Variants in LGR6 observed in about 807,000 individuals in gnomAD.
The protein encoded by LGR6 is leucine-rich repeat-containing G protein-coupled receptor 6.
Under a neutral mutation model 69.4 loss-of-function variants are expected in LGR6, and 45 were observed. The ratio of observed to expected loss-of-function variants is 0.65; its 90% CI spans 0.51 to 0.83. The LOEUF is 0.83. Among genes scored for constraint, LGR6 ranks in the 40% least tolerant of loss-of-function variants. The pLI, the probability that LGR6 is intolerant of heterozygous loss-of-function variation, is 0.00. For synonymous variants in LGR6, 538 were observed against 555.0 expected, an observed-to-expected ratio of 0.97 and a Z score of 0.43; for missense variants, 1,108 against 1,246.7, an observed-to-expected ratio of 0.89 and a Z score of 1.68.
chr1:202,245,535 C>A (rs1314970217), intron 4 of LGR6, among the ~76,000 whole-genome samples: 1 of 152,156 alleles, frequency 6.6e-6, no homozygotes, highest in Non-Finnish European at 1.5e-5. Context: ...TTCCTGCTAG[C>A]CCTCTCTGGC....
intron 4 of LGR6, among the ~76,000 whole-genome samples, chr1:202,249,510 A>G (rs1412073895): frequency 6.6e-6 from 1 of 152,170 alleles, no homozygotes; most frequent in African/African-American, 2.4e-5. Context: ...GCTTTAGCTT[A>G]GATTGGTACA....
In LGR6 at chr1:202,235,979, G is replaced by C. The variant is rs563539874; in HGVS notation, c.414G>C (p.Pro138=). 3 of 1,613,856 alleles carry C rather than the reference G, an allele frequency of 1.9e-6. No individual in the cohort carries two copies. Among genetic ancestry groups the C allele is most frequent in the Non-Finnish European group, 1.7e-6 (2 of 1,179,950 alleles). The stretch of plus-strand genomic sequence containing the variant: ...CCGCAGAGGCGCTGTGGGAGCTGCC[G>C]AGCCTGCAGTCGCTGTGAGTCATTA... ...GIPAEALWEL[P]SLQSLRLDAN... Residue 138 remains proline, a synonymous_variant, in exon 4 of 18, where the codon CCG becomes CCC. Coordinates refer to ENST00000367278, the MANE Select transcript of LGR6 (RefSeq NM_001017403.2).
chr1:202,221,708 A>C (rs1660166080), intron 1 of LGR6, among the ~76,000 whole-genome samples: 1 of 152,152 alleles, frequency 6.6e-6, no homozygotes, highest in African/African-American at 2.4e-5. Context: ...CCTCAAAACA[A>C]GTACATCCAA....
In LGR6 at chr1:202,194,189, T is replaced by C; in HGVS notation, c.200T>C (p.Leu67Pro). The C allele has an allele frequency of 6.4e-7, 1 of 1,559,888 alleles. No individual in the cohort carries two copies. The highest frequency in any genetic ancestry group is 8.6e-7 in the Non-Finnish European group (1 of 1,161,480). ...LSAVPGDLDP[L>P]TAYLDLSMNN... ...GCCGTTCCGGGGGACCTGGACCCCCTGACGGCTTACCTGTGAGTACTGCCC... is the reference window on the plus strand; with the variant it reads ...GCCGTTCCGGGGGACCTGGACCCCCCGACGGCTTACCTGTGAGTACTGCCC... Residue 67 changes from leucine to proline, a missense_variant, in exon 1 of 18, where the codon CTG becomes CCG. Leu to Pro is a moderately conservative substitution (Grantham distance 98, BLOSUM62 -3). Coordinates refer to ENST00000367278, the MANE Select transcript of LGR6 (RefSeq NM_001017403.2).
intron 1 of LGR6, among the ~76,000 whole-genome samples, chr1:202,203,503 G>C (rs1019256067): frequency 4.6e-5 from 7 of 152,190 alleles, no homozygotes; most frequent in Non-Finnish European, 8.8e-5. Flanking sequence ...ACCAATGATA[G>C]TGCCACTTGA....
intron 4 of LGR6, among the ~76,000 whole-genome samples, chr1:202,265,502 G>A (rs555871748): frequency 1.1e-3 from 173 of 152,334 alleles, no homozygotes; most frequent in African/African-American, 4.1e-3. Flanking sequence ...GTCTCTGGGG[G>A]CCCCCCATTG....
At chr1:202,263,818 G>A (rs1039651758) in intron 4 of LGR6, among the ~76,000 whole-genome samples, 5 of 152,192 alleles carry the variant, frequency 3.3e-5, no homozygotes, top group African/African-American at 1.2e-4. Context: ...AAAGAGGTAA[G>A]GCAAGAGGCA....
intron 4 of LGR6, among the ~76,000 whole-genome samples, chr1:202,249,107 G>A (rs774539589): frequency 1.3e-5 from 2 of 152,120 alleles, no homozygotes; most frequent in Non-Finnish European, 2.9e-5. Flanking sequence ...CACTGCAGCC[G>A]ACTCCTGACT....
chr1:202,200,993 C>G (rs1296690986), intron 1 of LGR6, among the ~76,000 whole-genome samples: 1 of 152,196 alleles, frequency 6.6e-6, no homozygotes, highest in East Asian at 1.9e-4. Flanking sequence ...CCATCCCCAG[C>G]CCCCGCTTCT....
intron 17 of LGR6, among the ~76,000 whole-genome samples, chr1:202,317,567 A>T (rs1027534006): frequency 6.6e-6 from 1 of 152,060 alleles, no homozygotes; most frequent in Non-Finnish European, 1.5e-5. Context: ...GCTGGTCTCA[A>T]ACTCCTGACC....
intron 16 of LGR6, among the ~76,000 whole-genome samples, chr1:202,313,318 T>TTCTC (rs1336629908): frequency 6.6e-6 from 1 of 152,166 alleles, no homozygotes; most frequent in Non-Finnish European, 1.5e-5. Context: ...TAGAAGTGCT[T>TTCTC]TCTCTCCCAT....
At chr1:202,265,837 G>A (rs1002986062) in intron 4 of LGR6, among the ~76,000 whole-genome samples, 1 of 152,244 alleles carries the variant, frequency 6.6e-6, no homozygotes, top group African/African-American at 2.4e-5. Context: ...TGGTGGGCAA[G>A]TTTCAGGGAA....
chr1:202,232,799 C>A (rs11799896), intron 3 of LGR6, among the ~76,000 whole-genome samples: 1,815 of 152,284 alleles, frequency 0.012, 42 homozygotes, highest in African/African-American at 0.042. Flanking sequence ...AGCATTGGCC[C>A]GAGAGACAGG....
chr1:202,201,315 A>T (rs1571802891), intron 1 of LGR6, among the ~76,000 whole-genome samples: 1 of 152,216 alleles, frequency 6.6e-6, no homozygotes, highest in Admixed American at 6.5e-5. Flanking sequence ...TCAGAGAGAC[A>T]TACATAGGAA....
chr1:202,280,669 T>C (rs1571955118), intron 5 of LGR6, 112 bp from the exon 6 acceptor site: 1 of 931,434 alleles, frequency 1.1e-6, no homozygotes, highest in East Asian at 2.4e-5. Context: ...ACCATTAGGG[T>C]CATTCTGTCC....
intron 6 of LGR6, among the ~76,000 whole-genome samples, chr1:202,286,952 G>T (rs367986574): frequency 6.6e-6 from 1 of 152,226 alleles, no homozygotes; most frequent in East Asian, 1.9e-4. Context: ...TGGCAATGGG[G>T]ACAAAACTTC....
intron 3 of LGR6, among the ~76,000 whole-genome samples, chr1:202,233,071 T>C (rs1661222058): frequency 6.6e-6 from 1 of 152,166 alleles, no homozygotes; most frequent in Non-Finnish European, 1.5e-5. Context: ...TAAAAGGACT[T>C]TCTGATAATC....
intron 6 of LGR6, among the ~76,000 whole-genome samples, chr1:202,290,193 A>G (rs1426590425): frequency 1.3e-5 from 2 of 152,250 alleles, no homozygotes; most frequent in South Asian, 2.1e-4. Flanking sequence ...TGCAATGGGT[A>G]TGTCCCATTT....
In LGR6 at chr1:202,276,291, C is replaced by A; in HGVS notation, c.429-15C>A. The stretch of plus-strand genomic sequence containing the variant: ...TTGCCCTGGATTGACCCCTCTCCAT[C>A]CTCTCTTCCACCAGGCGCCTAGATG... On this transcript the variant is annotated splice_polypyrimidine_tract_variant and intron_variant, in intron 4 of 17. Coordinates refer to ENST00000367278, the MANE Select transcript of LGR6 (RefSeq NM_001017403.2). 1 of 1,608,084 alleles carries A rather than the reference C, an allele frequency of 6.2e-7. No homozygotes were observed. Among genetic ancestry groups the A allele is most frequent in the Non-Finnish European group, 8.5e-7 (1 of 1,175,650 alleles).
Sources: gnomAD v4.1 joint callset for allele counts (sites outside exome capture counted in the v4.1 genomes callset) on GRCh38, gnomAD v4.1.1 for gene constraint, MANE v1.5 for transcripts, NCBI Gene and HGNC (gene_info 2026-07-23, HGNC 2026-07-21) for gene names.